The following AHRR variants were observed in gnomAD, a reference collection of about 807,000 sequenced individuals.
AHRR encodes aryl hydrocarbon receptor repressor.
A neutral mutation model predicts 44.0 loss-of-function variants in AHRR; 28 were observed. The ratio of observed to expected loss-of-function variants is 0.64; its 90% confidence interval spans 0.47 to 0.87. The LOEUF is 0.87. AHRR is among the 40% of genes least tolerant of loss of function. The probability of loss-of-function intolerance (pLI) is 0.00; values close to 1 mark genes in which losing one functional copy is unlikely to be tolerated. For missense variants in AHRR, 990 were observed against 953.9 expected (o/e 1.04, Z -0.50); for synonymous variants, 434 against 407.0 (o/e 1.07, Z -0.80).
chr5:425,431 C>T lies in AHRR; in HGVS notation c.708+1454C>T, dbSNP rs571132891. Among the ~76,000 whole-genome samples the T allele has an allele frequency of 1.4e-4, 22 of 152,362 alleles. 1 individual carries two copies. The South Asian group carries it at 4.6e-3, about 32-fold the overall frequency. ...CTCCTGGGTTCACGCCATTCTCCTG[C>T]CTCAGCCTCCTGAGTAGCTGGGACT... On this transcript the variant is annotated intron_variant, in intron 7 of 10. Transcript: ENST00000684583.
chr5:400,907 T>C (rs556795707), intron 4 of AHRR, among the ~76,000 whole-genome samples: 38 of 152,332 alleles, frequency 2.5e-4, no homozygotes, highest in Non-Finnish European at 4.1e-4. Context: ...AACCGCTGAA[T>C]TGGGAAAAGC....
chr5:381,871 A>G (rs1232721216), intron 4 of AHRR, among the ~76,000 whole-genome samples: 1 of 151,706 alleles, frequency 6.6e-6, no homozygotes, highest in Non-Finnish European at 1.5e-5. Context: ...TTTCCCTTTT[A>G]TTCCTTGTTT....
chr5:428,202 A>G (rs1736559034), intron 8 of AHRR, among the ~76,000 whole-genome samples, 196 bp downstream of exon 8: 1 of 152,386 alleles, frequency 6.6e-6, no homozygotes, highest in South Asian at 2.1e-4. Context: ...CGTATTTGCA[A>G]ACTGGCACCA....
At chr5:392,778 A>G (rs1386310219) in intron 4 of AHRR, among the ~76,000 whole-genome samples, 1 of 151,992 alleles carries the variant, frequency 6.6e-6, no homozygotes, top group Non-Finnish European at 1.5e-5. Context: ...CTTCTTGCCC[A>G]TTACGTCATT....
chr5:432,620 T>C, intron 9 of AHRR, 96 bp downstream of exon 9: 1 of 1,527,668 alleles, frequency 6.5e-7, no homozygotes, highest in South Asian at 1.1e-5. Context: ...GTTGGCGTAT[T>C]CCATGGAAAA....
In AHRR at chr5:429,304, CT is replaced by C. The variant is rs1351990872; in HGVS notation, c.908+1300del. Among the ~76,000 whole-genome samples the C allele has an allele frequency of 3.6e-5, 5 of 139,350 alleles. No individual in the cohort carries two copies. The South Asian group carries it at 1.1e-3, about 31-fold the overall frequency. The allele number at this position is 139,350 out of a possible 152,430, so 91.4% of individuals were successfully genotyped here. A position where few individuals can be genotyped will look rare whatever the true frequency, so the allele number is the denominator to read the frequency against. On this transcript the variant is annotated intron_variant, in intron 8 of 10. Coordinates refer to ENST00000684583, the MANE Select transcript of AHRR (RefSeq NM_001377236.1). ...GAGATCCAACTTCCTCTCAGAGAAT[CT>C]TGCAGGAGTGAGGTAGGGCCGGGGC...
intron 4 of AHRR, among the ~76,000 whole-genome samples, chr5:391,168 AAGTC>A (rs1734399003): frequency 6.6e-6 from 1 of 152,228 alleles, no homozygotes; most frequent in African/African-American, 2.4e-5. Flanking sequence ...TGGGAAAACT[AAGTC>A]AGCAAAGATG....
chr5:429,090 G>T (rs1736600604), intron 8 of AHRR, among the ~76,000 whole-genome samples: 1 of 152,220 alleles, frequency 6.6e-6, no homozygotes. Flanking sequence ...CGTGTCTATA[G>T]TTTCCTAGAA....
At chr5:377,501 T>G (rs1464789265) in intron 4 of AHRR, among the ~76,000 whole-genome samples, 2 of 152,086 alleles carry the variant, frequency 1.3e-5, no homozygotes, top group Non-Finnish European at 1.5e-5. Context: ...TCAGGACCCC[T>G]GGGTGGGGCA....
intron 3 of AHRR, among the ~76,000 whole-genome samples, chr5:359,371 G>T (rs1743090403): frequency 9.3e-6 from 1 of 107,956 alleles, no homozygotes; most frequent in African/African-American, 2.9e-5. Flanking sequence ...GGCAGTCAGC[G>T]ACTGAGGAAG....
chr5:438,188 C>T lies in AHRR; in HGVS notation c.*3354C>T, dbSNP rs1421221738. The T allele has an allele frequency of 1.3e-5, 2 of 152,308 alleles. No individual in the cohort carries two copies. Among genetic ancestry groups the T allele is most frequent in the African/African-American group, 4.8e-5 (2 of 41,422 alleles). The allele number at this position is 152,308 out of a possible 1,614,324, so 9.4% of individuals were successfully genotyped here. A position where few individuals can be genotyped will look rare whatever the true frequency, so the allele number is the denominator to read the frequency against. ...AACTTTCTCTACTGCTTTCTCAGTG[C>T]CTTTAGGAAGCTTTCAAATTTTTTT... is the stretch of plus-strand genomic sequence containing the variant. On this transcript the variant is annotated 3_prime_UTR_variant, in exon 11 of 11. Transcript: ENST00000684583.
chr5:405,104 G>T lies in AHRR; in HGVS notation c.352-8240G>T, dbSNP rs1292901042. 6.6e-6 allele frequency among the ~76,000 whole-genome samples: 1 copy of T among 152,096 alleles called. No homozygotes were observed. Among genetic ancestry groups the T allele is most frequent in the Non-Finnish European group, 1.5e-5 (1 of 68,026 alleles). ...CCCCTCCCCCAAAGAAATGCAGCAG[G>T]TCTGACATTTCCCCATTTCTCTTGG... is the stretch of plus-strand genomic sequence containing the variant. On this transcript the variant is annotated intron_variant, in intron 4 of 10. Transcript: ENST00000684583. The surrounding 1 kb of genome is among the most constrained non-coding windows in gnomAD (Gnocchi z 4.5).
intron 4 of AHRR, among the ~76,000 whole-genome samples, chr5:379,562 T>C (rs1733893643): frequency 6.6e-6 from 1 of 152,186 alleles, no homozygotes; most frequent in Non-Finnish European, 1.5e-5. Flanking sequence ...CTTGTTAGGG[T>C]TTTAGTTTGG....
At chr5:366,235 G>A (rs569132525) in intron 3 of AHRR, among the ~76,000 whole-genome samples, 2 of 152,140 alleles carry the variant, frequency 1.3e-5, no homozygotes, top group East Asian at 3.9e-4. Flanking sequence ...CAAAGTACAA[G>A]GTACTTTGTA....
chr5:438,130 G>A lies in AHRR; in HGVS notation c.*3296G>A, dbSNP rs1395772763. On this transcript the variant is annotated 3_prime_UTR_variant, in exon 11 of 11. Transcript: ENST00000684583. ...AAGTTTTCAATACCTAGACCAACTT[G>A]TTGAATTTTTAAAACTTATGCACTA... 6.6e-6 allele frequency: 1 copy of A among 152,338 alleles called. No individual in the cohort carries two copies. The highest frequency in any genetic ancestry group is 2.4e-5 in the African/African-American group (1 of 41,446). 9.4% of individuals were successfully genotyped at this position (152,338 alleles called of 1,614,324 possible).
chr5:356,292 C>T (rs1743043343), intron 3 of AHRR, among the ~76,000 whole-genome samples: 1 of 152,136 alleles, frequency 6.6e-6, no homozygotes, highest in South Asian at 2.1e-4. Context: ...GGAGCTGGGC[C>T]CCTTCTAGGC....
chr5:389,192 C>T (rs1459813286), intron 4 of AHRR, among the ~76,000 whole-genome samples: 3 of 66,074 alleles, frequency 4.5e-5, no homozygotes, highest in East Asian at 3.3e-4. Context: ...GTGGGGGTGT[C>T]GAAGGCGGGG....
chr5:423,355 G>T (rs775591951), intron 6 of AHRR, among the ~76,000 whole-genome samples: 3 of 152,204 alleles, frequency 2.0e-5, no homozygotes, highest in Non-Finnish European at 2.9e-5. Flanking sequence ...AGCCTGGCAG[G>T]TGTGGAGCTC....
At position 395,877 on chromosome 5, in the gene AHRR, C is replaced by T. The variant is rs1370862019; in HGVS notation, c.352-17467C>T. Among the ~76,000 whole-genome samples, 2 of 152,322 alleles carry T rather than the reference C, an allele frequency of 1.3e-5. No homozygotes were observed. The highest frequency in any genetic ancestry group is 1.9e-4 in the East Asian group (1 of 5,184). On this transcript the variant is annotated intron_variant, in intron 4 of 10. Transcript: ENST00000684583. The surrounding 1 kb of genome is among the most constrained non-coding windows in gnomAD (Gnocchi z 5.3). ...GAGGTGAAGCAAAAGGGATGAGCGT[C>T]CCCTTCCTCCAGCTTCCTCCATGCA...
Sources: allele counts gnomAD v4.1 joint callset (sites outside exome capture counted in the v4.1 genomes callset), GRCh38; gene constraint gnomAD v4.1.1; non-coding constraint Gnocchi (gnomAD v3.1); transcripts MANE v1.5; gene names NCBI Gene and HGNC (gene_info 2026-07-23, HGNC 2026-07-21).